CMIP: variants seen among roughly 807,000 people sequenced by gnomAD.
CMIP encodes C-Maf-inducing protein.
A neutral mutation model predicts 97.3 loss-of-function variants in CMIP; 13 were observed. That is an observed-to-expected ratio of 0.13 (90% CI 0.09 to 0.21). CMIP has a LOEUF of 0.21. CMIP is among the 10% of genes least tolerant of loss of function. CMIP has a pLI of 1.00. For missense variants in CMIP, 847 were observed against 1,024.9 expected (o/e 0.83, Z 2.37); for synonymous variants, 538 against 436.3 (o/e 1.23, Z -2.91).
At chr16:81,455,878 C>T (rs1273534193) in intron 1 of CMIP, among the ~76,000 whole-genome samples, 2 of 152,206 alleles carry the variant, frequency 1.3e-5, no homozygotes, top group Non-Finnish European at 1.5e-5. Flanking sequence ...TGTGCTGTCT[C>T]GAAGGTGATC....
rs1286253285 is a variant in CMIP, at chr16:81,453,561, G to C, written c.300+8020G>C. On this transcript the variant is annotated intron_variant, in intron 1 of 20. Transcript: ENST00000537098. The surrounding 1 kb of genome is among the most constrained non-coding windows in gnomAD (Gnocchi z 4.0). ...CTCCTCCCTCGCATGTTGGCTCCCT[G>C]TGTGGACTAGGTGACCCTGTTTACC... Among the ~76,000 whole-genome samples the C allele has an allele frequency of 6.6e-6, 1 of 152,216 alleles. No homozygotes were observed. The highest frequency in any genetic ancestry group is 1.5e-5 in the Non-Finnish European group (1 of 68,036).
At chr16:81,470,814 AG>A (rs1418676043) in intron 1 of CMIP, among the ~76,000 whole-genome samples, 1 of 152,270 alleles carries the variant, frequency 6.6e-6, no homozygotes, top group Non-Finnish European at 1.5e-5. Flanking sequence ...ATAGTTTGTA[AG>A]TAAACACAAT....
rs893848787 is a variant in CMIP, at chr16:81,558,307, G to A, written c.301-49260G>A. 2.6e-5 allele frequency among the ~76,000 whole-genome samples: 4 copies of A among 152,050 alleles called. 1 individual carries two copies. The highest frequency in any genetic ancestry group is 4.2e-4 in the South Asian group (2 of 4,816). ...AGACACGAGGCTGCTTCCGCCTCTC[G>A]GCCGTTACAGATAGTGCTGCAGTGA... On this transcript the variant is annotated intron_variant, in intron 1 of 20. Transcript: ENST00000537098.
chr16:81,670,035 A>G, intron 7 of CMIP, 107 bp from the exon 8 acceptor site: 1 of 1,042,016 alleles, frequency 9.6e-7, no homozygotes, highest in Non-Finnish European at 1.4e-6. Context: ...CCACATCAAC[A>G]GCTCCAGGCA....
At chr16:81,492,345 T>C (rs1285235386) in intron 1 of CMIP, among the ~76,000 whole-genome samples, 1 of 152,246 alleles carries the variant, frequency 6.6e-6, no homozygotes, top group Non-Finnish European at 1.5e-5. Context: ...TCAGTGTTAT[T>C]AGTCAACAGC....
intron 2 of CMIP, among the ~76,000 whole-genome samples, chr16:81,612,731 G>A (rs928136727): frequency 3.9e-4 from 60 of 152,156 alleles, no homozygotes; most frequent in Admixed American, 1.7e-3. Flanking sequence ...ACCAGAAGTC[G>A]GAAGCCTGGA....
chr16:81,624,358 T>G (rs1241170131), intron 3 of CMIP, among the ~76,000 whole-genome samples: 1 of 152,188 alleles, frequency 6.6e-6, no homozygotes, highest in Non-Finnish European at 1.5e-5. Flanking sequence ...CTATCTTGTT[T>G]TTGTCATTTT....
chr16:81,504,694 G>A (rs531133256), intron 1 of CMIP, among the ~76,000 whole-genome samples: 24 of 151,780 alleles, frequency 1.6e-4, no homozygotes, highest in Middle Eastern at 6.8e-3. Context: ...TGGCCGGTGG[G>A]CCTGCAGCCC....
At chr16:81,556,871 G>A (rs1256543974) in intron 1 of CMIP, among the ~76,000 whole-genome samples, 1 of 152,246 alleles carries the variant, frequency 6.6e-6, no homozygotes. Context: ...CCTGAAAACT[G>A]TGCAGGTCCT....
intron 9 of CMIP, 84 bp downstream of exon 9, chr16:81,672,154 AC>A: frequency 1.3e-6 from 1 of 786,872 alleles, no homozygotes; most frequent in Non-Finnish European, 2.2e-6. Context: ...CCAAGAACTG[AC>A]CAGGCCAGAG....
chr16:81,589,192 A>G (rs2091429068), intron 1 of CMIP, among the ~76,000 whole-genome samples: 1 of 151,252 alleles, frequency 6.6e-6, no homozygotes, highest in Admixed American at 6.6e-5. Flanking sequence ...TGCCTCCTTG[A>G]TTCAAGCGAT....
chr16:81,570,482 TGCTAACAATGGCCTCCTGGCA>T (rs2091068063), intron 1 of CMIP, among the ~76,000 whole-genome samples: 2 of 152,134 alleles, frequency 1.3e-5, no homozygotes, highest in South Asian at 4.1e-4. Flanking sequence ...CTATAAAATG[TGCTAACAATGGCCTCCTGGCA>T]GGTGGTGGGA....
In CMIP at chr16:81,589,897, C is replaced by T. The variant is rs183213275; in HGVS notation, c.301-17670C>T. Among the ~76,000 whole-genome samples, 29 of 152,318 alleles carry T rather than the reference C, an allele frequency of 1.9e-4. No individual in the cohort carries two copies. The East Asian group carries it at 4.8e-3, about 25-fold the overall frequency. ...AAAACGACAAAGTGTACCTCAATGG[C>T]GTGTGTAATGATAGGCCGGCGTCAG... is the stretch of plus-strand genomic sequence containing the variant. On this transcript the variant is annotated intron_variant, in intron 1 of 20. Transcript: ENST00000537098.
At chr16:81,547,617 GA>G (rs2090572354) in intron 1 of CMIP, among the ~76,000 whole-genome samples, 1 of 135,258 alleles carries the variant, frequency 7.4e-6, no homozygotes, top group African/African-American at 3.9e-5. Context: ...AGCGGGGGAG[GA>G]GGAGGAGGAG....
At chr16:81,661,189 G>A (rs1275052967) in intron 6 of CMIP, among the ~76,000 whole-genome samples, 4 of 152,238 alleles carry the variant, frequency 2.6e-5, no homozygotes, top group Non-Finnish European at 5.9e-5. Context: ...ATCACTTCCC[G>A]GCTGTCTTAG....
intron 1 of CMIP, among the ~76,000 whole-genome samples, chr16:81,573,704 T>A (rs1029082879): frequency 6.6e-6 from 1 of 151,028 alleles, no homozygotes; most frequent in African/African-American, 2.4e-5. Flanking sequence ...GAGAGAAGGG[T>A]TTTTTAAACC....
rs558560239 is a variant in CMIP at position 81,683,732 on chromosome 16, T to C, written c.1388+5104T>C. ...TTGATTCTTCTAGGTAGTTCTTTCT[T>C]ATATGTGTTTATTTTTTCTTTTTCT... On this transcript the variant is annotated intron_variant, in intron 10 of 20. Transcript: ENST00000537098. Among the ~76,000 whole-genome samples, 460 of 151,126 alleles carry C rather than the reference T, an allele frequency of 3.0e-3. 1 individual carries two copies. The highest frequency in any genetic ancestry group is 7.9e-3 in the Admixed American group (120 of 15,136).
At chr16:81,643,111 G>A (rs749301377) in intron 3 of CMIP, among the ~76,000 whole-genome samples, 3 of 152,192 alleles carry the variant, frequency 2.0e-5, no homozygotes, top group Non-Finnish European at 4.4e-5. Flanking sequence ...CACAAGCTAT[G>A]TGACCTGCGC....
chr16:81,459,866 A>T (rs2150737089), intron 1 of CMIP, among the ~76,000 whole-genome samples: 1 of 152,280 alleles, frequency 6.6e-6, no homozygotes, highest in Middle Eastern at 3.4e-3. Context: ...TCCCACTCTT[A>T]GGAGGTGGCC....
Sources: allele counts gnomAD v4.1 joint callset (sites outside exome capture counted in the v4.1 genomes callset), GRCh38; gene constraint gnomAD v4.1.1; non-coding constraint Gnocchi (gnomAD v3.1); transcripts MANE v1.5; gene names NCBI Gene and HGNC (gene_info 2026-07-23, HGNC 2026-07-21).